The following SYNJ2 variants were observed in gnomAD, a reference collection of about 807,000 sequenced individuals.
SYNJ2 encodes polyphosphatidylinositol phosphatase SYNJ2.
SYNJ2 carries 116 observed loss-of-function variants against 141.3 expected under a neutral mutation model. The observed-to-expected ratio is 0.82, with a 90% CI of 0.71 to 0.96. The LOEUF (loss-of-function observed/expected upper bound fraction) is 0.96. Among genes scored for constraint, SYNJ2 ranks in the 40% least tolerant of loss-of-function variants. SYNJ2 has a pLI of 0.00. For synonymous variants in SYNJ2, 745 were observed against 777.7 expected (o/e 0.96, Z 0.70); for missense variants, 1,873 against 1,934.8 (o/e 0.97, Z 0.60).
chr6:158,082,503 A>G (rs1378652488), intron 20 of SYNJ2, among the ~76,000 whole-genome samples: 1 of 151,516 alleles, frequency 6.6e-6, no homozygotes, highest in Non-Finnish European at 1.5e-5. Flanking sequence ...AAAAAAAAAA[A>G]AAAAAAAAAG....
chr6:157,997,787 A>G (rs186372301), intron 1 of SYNJ2, among the ~76,000 whole-genome samples: 1 of 152,352 alleles, frequency 6.6e-6, no homozygotes, highest in African/African-American at 2.4e-5. Context: ...AGATTTTGAA[A>G]AGGATCCACA....
In SYNJ2 at chr6:158,093,105, G is replaced by A. The variant is rs764898757; in HGVS notation, c.3744+1G>A. On this transcript the variant is annotated splice_donor_variant, in intron 26 of 26. Coordinates refer to ENST00000355585, the MANE Select transcript of SYNJ2 (RefSeq NM_003898.4). LOFTEE classifies it high-confidence loss of function. ...GCCAACCTTGAGAAGGACAGGAAAG[G>A]TAAAAGCCTGGTAACATAAAACCTC... 6.2e-7 allele frequency: 1 copy of A among 1,608,706 alleles called. No individual in the cohort carries two copies. Among genetic ancestry groups the A allele is most frequent in the Admixed American group, 1.7e-5 (1 of 57,824 alleles).
At chr6:157,988,536 G>C (rs1583278750) in intron 1 of SYNJ2, among the ~76,000 whole-genome samples, 1 of 152,162 alleles carries the variant, frequency 6.6e-6, no homozygotes, top group Non-Finnish European at 1.5e-5. Flanking sequence ...GTCCCAGCCC[G>C]TGTCTCTCTG....
At chr6:158,073,564 TAATTAA>T (rs966639009) in intron 15 of SYNJ2, among the ~76,000 whole-genome samples, 1 of 152,222 alleles carries the variant, frequency 6.6e-6, no homozygotes, top group Non-Finnish European at 1.5e-5. Flanking sequence ...AAATTCAAAT[TAATTAA>T]AATTAAATAA....
intron 4 of SYNJ2, among the ~76,000 whole-genome samples, chr6:158,037,379 C>T (rs1779691681): frequency 6.6e-6 from 1 of 150,954 alleles, no homozygotes; most frequent in Non-Finnish European, 1.5e-5. Context: ...ACCCACCCTA[C>T]TCCAGTTGTC....
rs1303908912 is a variant in SYNJ2 at position 158,043,698 on chromosome 6, G to A, written c.795+299G>A. ...GTGCCTGCTGAGTGGGTGCCGCGAAGTGAGCTTGGGTAGCACTGCCTGAGG... is the reference window on the plus strand; with the variant it reads ...GTGCCTGCTGAGTGGGTGCCGCGAAATGAGCTTGGGTAGCACTGCCTGAGG... On this transcript the variant is annotated intron_variant, in intron 5 of 26. Transcript: ENST00000355585. This position sits in a 1 kb window ranked among gnomAD's most constrained non-coding sequence, Gnocchi z 4.0. Among the ~76,000 whole-genome samples, 1 of 152,158 alleles carries A rather than the reference G, an allele frequency of 6.6e-6. No individual in the cohort carries two copies. The highest frequency in any genetic ancestry group is 2.4e-5 in the African/African-American group (1 of 41,438).
chr6:158,059,057 G>A (rs1279229088), intron 6 of SYNJ2, among the ~76,000 whole-genome samples, 200 bp from the exon 7 acceptor site: 13 of 152,278 alleles, frequency 8.5e-5, no homozygotes, highest in Admixed American at 8.5e-4. Flanking sequence ...ACGCTAGCTA[G>A]TAGTAATGGC....
chr6:158,061,214 C>T (rs1781197405), intron 7 of SYNJ2, among the ~76,000 whole-genome samples: 1 of 152,266 alleles, frequency 6.6e-6, no homozygotes, highest in African/African-American at 2.4e-5. Flanking sequence ...TGGGCAGAGG[C>T]TGGACTGGCC....
chr6:158,045,065 A>C (rs1024006057), intron 5 of SYNJ2, among the ~76,000 whole-genome samples: 1 of 140,424 alleles, frequency 7.1e-6, no homozygotes, highest in Admixed American at 7.1e-5. Flanking sequence ...GAATTCATCC[A>C]TTCCACCCTC....
intron 1 of SYNJ2, among the ~76,000 whole-genome samples, chr6:158,004,138 C>T (rs1336951191): frequency 6.6e-6 from 1 of 152,118 alleles, no homozygotes; most frequent in Non-Finnish European, 1.5e-5. Context: ...ACCCTTGACC[C>T]CACACGCCAT....
rs528436103 is a variant in SYNJ2, at chr6:158,075,498, G to A, written c.2292+760G>A. ...TCTACTAAAAATCCAAAAATTACCT[G>A]GGTATGGTGGCAGGCGCCTGTAATC... is the stretch of plus-strand genomic sequence containing the variant. On this transcript the variant is annotated intron_variant, in intron 16 of 26. Transcript: ENST00000355585. Among the ~76,000 whole-genome samples the A allele has an allele frequency of 3.9e-5, 6 of 151,942 alleles. No homozygotes were observed. In the South Asian group the frequency reaches 1.3e-3, roughly 32 times the overall value.
At chr6:158,025,933 C>T (rs1459157287) in intron 2 of SYNJ2, among the ~76,000 whole-genome samples, 1 of 152,172 alleles carries the variant, frequency 6.6e-6, no homozygotes, top group Non-Finnish European at 1.5e-5. Flanking sequence ...GCTTGGGCAA[C>T]AAGAGTAAAA....
intron 4 of SYNJ2, among the ~76,000 whole-genome samples, chr6:158,041,731 T>C (rs1294607715): frequency 2.0e-5 from 3 of 152,176 alleles, no homozygotes; most frequent in African/African-American, 4.8e-5. Context: ...TTGGTGTTTT[T>C]TGGATTTCAC....
In SYNJ2 at chr6:158,071,270, G is replaced by A. The variant is rs113006143; in HGVS notation, c.1941-332G>A. 1.6e-3 allele frequency among the ~76,000 whole-genome samples: 240 copies of A among 152,312 alleles called. 1 individual carries two copies. The highest frequency in any genetic ancestry group is 5.5e-3 in the African/African-American group (229 of 41,568). On this transcript the variant is annotated intron_variant, in intron 14 of 26. Coordinates refer to ENST00000355585, the MANE Select transcript of SYNJ2 (RefSeq NM_003898.4). This position sits in a 1 kb window ranked among gnomAD's most constrained non-coding sequence, Gnocchi z 4.3. ...TGATGGCTGCACAGGAGTGGGGTGG[G>A]CTGGTGGGTGGTGATGTTTGCGCCG...
intron 11 of SYNJ2, 55 bp from the exon 12 acceptor site, chr6:158,066,389 G>A: frequency 6.3e-7 from 1 of 1,598,658 alleles, no homozygotes; most frequent in Non-Finnish European, 8.6e-7. Flanking sequence ...TCTTTTTGGA[G>A]GATGCCTGAG....
chr6:158,002,950 C>T (rs553607204), intron 1 of SYNJ2, among the ~76,000 whole-genome samples: 138 of 152,322 alleles, frequency 9.1e-4, no homozygotes, highest in African/African-American at 3.2e-3. Context: ...ACTCAGTGGC[C>T]AGTCCTGTGC....
intron 2 of SYNJ2, among the ~76,000 whole-genome samples, chr6:158,023,811 A>T (rs1024152774): frequency 6.6e-6 from 1 of 152,224 alleles, no homozygotes; most frequent in Non-Finnish European, 1.5e-5. Flanking sequence ...GTGATGTCCA[A>T]TTGTTTGCTT....
chr6:158,006,227 G>A (rs1324335519), intron 1 of SYNJ2, among the ~76,000 whole-genome samples: 8 of 152,022 alleles, frequency 5.3e-5, no homozygotes, highest in South Asian at 2.1e-4. Context: ...GCGCACACAC[G>A]TATGCACACA....
intron 7 of SYNJ2, among the ~76,000 whole-genome samples, chr6:158,061,647 G>A (rs940698958): frequency 2.0e-5 from 3 of 151,812 alleles, no homozygotes; most frequent in African/African-American, 7.3e-5. Context: ...GGGCACCTGG[G>A]CCACCTGAAG....
Sources: gnomAD v4.1 joint callset for allele counts (sites outside exome capture counted in the v4.1 genomes callset) on GRCh38, gnomAD v4.1.1 for gene constraint, Gnocchi (gnomAD v3.1) non-coding constraint, MANE v1.5 for transcripts, NCBI Gene and HGNC (gene_info 2026-07-23, HGNC 2026-07-21) for gene names.